The following TNFAIP2 variants were observed in gnomAD, a reference collection of about 807,000 sequenced individuals.
TNFAIP2 encodes TNF alpha induced protein 2, also known as tumor necrosis factor alpha-induced protein 2.
TNFAIP2 carries 47 observed loss-of-function variants against 63.5 expected under a neutral mutation model. The ratio of observed to expected loss-of-function variants is 0.74; its 90% CI spans 0.59 to 0.94. TNFAIP2 has a LOEUF of 0.94. TNFAIP2 is among the 40% of genes least tolerant of loss of function. The pLI is 0.00. For missense variants in TNFAIP2, 787 were observed against 850.2 expected, an observed-to-expected ratio of 0.93 and a Z score of 0.92; for synonymous variants, 405 against 390.2, an observed-to-expected ratio of 1.04 and a Z score of -0.45.
rs2087852354 is a variant in TNFAIP2 at position 103,126,415 on chromosome 14, C to T, written c.-43C>T. On this transcript the variant is annotated 5_prime_UTR_variant, in exon 2 of 12. Coordinates refer to ENST00000560869, the MANE Select transcript of TNFAIP2 (RefSeq NM_006291.4). ...GCACCCTCGACTTGCCTAGAGGCCC[C>T]CAAAAGTTGCAGTCCACATCAGAGG... 1.3e-6 allele frequency: 2 copies of T among 1,481,966 alleles called. No homozygotes were observed. Among genetic ancestry groups the T allele is most frequent in the Non-Finnish European group, 1.8e-6 (2 of 1,103,534 alleles). 91.8% of individuals were successfully genotyped at this position (1,481,966 alleles called of 1,614,324 possible).
intron 2 of TNFAIP2, 103 bp from the exon 3 acceptor site, chr14:103,126,902 G>C: frequency 7.1e-7 from 1 of 1,405,122 alleles, no homozygotes; most frequent in South Asian, 1.5e-5. Context: ...GTTGGCCGCC[G>C]GCCCTGTGCG....
At position 103,131,408 on chromosome 14, in the gene TNFAIP2, A is replaced by G. The variant is rs1459195993; in HGVS notation, c.1299-231A>G. On this transcript the variant is annotated intron_variant, in intron 7 of 11. Transcript: ENST00000560869. This position sits in a 1 kb window ranked among gnomAD's most constrained non-coding sequence, Gnocchi z 4.0. ...GTGAAGTAGGTATAGTGATCTGTCT[A>G]TTAGGCAGATGGGCAAACCACTGGA... is the stretch of plus-strand genomic sequence containing the variant. Among the ~76,000 whole-genome samples, 2 of 152,180 alleles carry G rather than the reference A, an allele frequency of 1.3e-5. No individual in the cohort carries two copies. The highest frequency in any genetic ancestry group is 2.9e-5 in the Non-Finnish European group (2 of 68,030).
upstream of TNFAIP2, chr14:103,123,011 T>A: frequency 2.9e-6 from 1 of 345,158 alleles, no homozygotes; most frequent in Admixed American, 3.8e-5. Context: ...TGCCTCCTTG[T>A]GGCCACGGTG....
chr14:103,130,272 T>A (rs2234133), intron 5 of TNFAIP2, 43 bp from the exon 6 acceptor site: 925,064 of 1,532,542 alleles, frequency 0.6, 282,352 homozygotes, highest in Middle Eastern at 0.65. Context: ...TGCCCCCTTG[T>A]CCAGGCGAGC....
intron 8 of TNFAIP2, 116 bp from the exon 9 acceptor site, chr14:103,132,634 G>C (rs964213585): frequency 1.5e-4 from 226 of 1,472,858 alleles, no homozygotes; most frequent in Non-Finnish European, 1.7e-4. Flanking sequence ...AGTGCCCCCC[G>C]CCCCTCCACC....
At chr14:103,126,733 A>G in intron 2 of TNFAIP2, 41 bp downstream of exon 2, 1 of 1,543,756 alleles carries the variant, frequency 6.5e-7, no homozygotes, top group Non-Finnish European at 8.8e-7. Flanking sequence ...TGGGGCCTGG[A>G]CGGGGTTGGC....
chr14:103,132,752 A>G lies in TNFAIP2; in HGVS notation c.1425A>G (p.Pro475=), dbSNP rs1397561918. 3.7e-6 allele frequency: 6 copies of G among 1,612,766 alleles called. No individual in the cohort carries two copies. The highest frequency in any genetic ancestry group is 5.1e-6 in the Non-Finnish European group (6 of 1,179,598). ...ACATCCTGCCTCTCCTGTCTCAGCCACTGTTCAAGAGGTTCACGCACACCC... is the reference window on the plus strand; with the variant it reads ...ACATCCTGCCTCTCCTGTCTCAGCCGCTGTTCAAGAGGTTCACGCACACCC... ...LLQNLHEDLK[P]LFKRFTHTRW... The change falls in exon 9 of 12, where the codon CCA becomes CCG. Residue 475 remains proline, a splice_region_variant and synonymous_variant. Transcript: ENST00000560869.
upstream of TNFAIP2, chr14:103,123,109 G>C (rs1189503871): frequency 1.6e-5 from 4 of 254,204 alleles, no homozygotes; most frequent in Admixed American, 2.0e-4. Flanking sequence ...GCGGGAACGC[G>C]GCCAAGCGCG....
rs111935656 is a variant in TNFAIP2, at chr14:103,132,674, TGC to T, written c.1423-74_1423-73del. The T allele has an allele frequency of 4.4e-6, 5 of 1,134,070 alleles. No individual in the cohort carries two copies. In the African/African-American group the frequency reaches 1.9e-4, roughly 44 times the overall value. 70.3% of individuals were successfully genotyped at this position (1,134,070 alleles called of 1,614,324 possible). A position where few individuals can be genotyped will look rare whatever the true frequency, so the allele number is the denominator to read the frequency against. ...ACATGTGTCGGTGTGTGTCTGTGTC[TGC>T]GTGTCTGCGTGTCTGCGGCTGGCAG... On this transcript the variant is annotated intron_variant, in intron 8 of 11. Transcript: ENST00000560869.
rs2088097922 is a variant in TNFAIP2 at position 103,136,497 on chromosome 14, C to G, written c.*1137C>G. ...TTTCCCGTCACCTCATTGAGGCCTC[C>G]CCTCTCCTGCCTCCCTCCACCACTT... On this transcript the variant is annotated 3_prime_UTR_variant, in exon 12 of 12. Coordinates refer to ENST00000560869, the MANE Select transcript of TNFAIP2 (RefSeq NM_006291.4). The G allele has an allele frequency of 6.6e-6, 1 of 151,660 alleles. No individual in the cohort carries two copies. The allele number at this position is 151,660 out of a possible 1,614,324, so 9.4% of individuals were successfully genotyped here. A position where few individuals can be genotyped will look rare whatever the true frequency, so the allele number is the denominator to read the frequency against.
intron 6 of TNFAIP2, 143 bp from the exon 7 acceptor site, chr14:103,130,909 C>A: frequency 1.3e-6 from 1 of 772,896 alleles, no homozygotes; most frequent in Non-Finnish European, 2.1e-6. Context: ...TCCATGATGC[C>A]CAGGGGCTAG....
At chr14:103,121,769 G>A (rs775527716), upstream of TNFAIP2, among the ~76,000 whole-genome samples, 6 of 152,104 alleles carry the variant, frequency 3.9e-5, no homozygotes, top group Non-Finnish European at 7.4e-5. Context: ...TGCAAAGCCC[G>A]TGGAGACCAG....
At chr14:103,133,051 T>C (rs2088013687) in intron 9 of TNFAIP2, among the ~76,000 whole-genome samples, 179 bp downstream of exon 9, 1 of 152,136 alleles carries the variant, frequency 6.6e-6, no homozygotes, top group Non-Finnish European at 1.5e-5. Flanking sequence ...CACGAACATG[T>C]GAACGCACGA....
Position 103,126,582 on chromosome 14 carries a change from A to G in TNFAIP2, c.125A>G (p.Asn42Ser), listed in dbSNP as rs2087857232. 1 of 1,555,310 alleles carries G rather than the reference A, an allele frequency of 6.4e-7. No individual in the cohort carries two copies. Among genetic ancestry groups the G allele is most frequent in the Non-Finnish European group, 8.7e-7 (1 of 1,149,386 alleles). The change falls in exon 2 of 12, where the codon AAT becomes AGT. Residue 42 changes from asparagine (N) to serine (S), a missense_variant. By Grantham distance (46) the Asn-to-Ser change is conservative. Transcript: ENST00000560869. ...EKKKKSKGLA[N>S]VFCVFTKGKK... ...AAGAAGAAGTCCAAAGGCCTGGCCA[A>G]TGTGTTCTGCGTCTTCACCAAAGGG...
chr14:103,126,548 AAGG>A lies in TNFAIP2; in HGVS notation c.94_96del (p.Glu32del), dbSNP rs776501770. 3.8e-6 allele frequency: 6 copies of A among 1,564,880 alleles called. No homozygotes were observed. The East Asian group carries it at 9.5e-5, about 25-fold the overall frequency. On this transcript the variant is annotated inframe_deletion, in exon 2 of 12. Transcript: ENST00000560869. ...GGAGGAAGAGGCGGCGAAGAAGAAG[AAGG>A]AGAAGAAGAAGAAGTCCAAAGGCCT...
Position 103,123,770 on chromosome 14 carries a change from C to T in TNFAIP2, c.-330C>T, listed in dbSNP as rs1287628518. ...CTCCCCTCCATTACAGCAGAAAGGC[C>T]CCAGGTCCGGCGTGACTCCCCGGCC... On this transcript the variant is annotated 5_prime_UTR_variant, in exon 1 of 12. Coordinates refer to ENST00000560869, the MANE Select transcript of TNFAIP2 (RefSeq NM_006291.4). 6.6e-6 allele frequency: 1 copy of T among 152,242 alleles called. No individual in the cohort carries two copies. Among genetic ancestry groups the T allele is most frequent in the Non-Finnish European group, 1.5e-5 (1 of 68,092 alleles). 9.4% of individuals were successfully genotyped at this position (152,242 alleles called of 1,614,324 possible).
intron 8 of TNFAIP2, 118 bp from the exon 9 acceptor site, chr14:103,132,632 C>G: frequency 6.8e-7 from 1 of 1,470,452 alleles, no homozygotes; most frequent in Non-Finnish European, 9.2e-7. Flanking sequence ...TGAGTGCCCC[C>G]CGCCCCTCCA....
intron 3 of TNFAIP2, among the ~76,000 whole-genome samples, chr14:103,129,292 G>A (rs181957670): frequency 6.6e-6 from 1 of 152,324 alleles, no homozygotes; most frequent in Non-Finnish European, 1.5e-5. Flanking sequence ...TTTTATCTGG[G>A]TGACAGGTAG....
chr14:103,133,190 G>C (rs113974528), intron 9 of TNFAIP2, among the ~76,000 whole-genome samples, 172 bp from the exon 10 acceptor site: 2 of 151,348 alleles, frequency 1.3e-5, no homozygotes, highest in African/African-American at 4.9e-5. Context: ...GAACACACAC[G>C]CATGTGAACG....
Sources: gnomAD v4.1 joint callset for allele counts (sites outside exome capture counted in the v4.1 genomes callset) on GRCh38, gnomAD v4.1.1 for gene constraint, Gnocchi (gnomAD v3.1) non-coding constraint, MANE v1.5 for transcripts, NCBI Gene and HGNC (gene_info 2026-07-23, HGNC 2026-07-21) for gene names.